The following DIPK1A variants were observed in gnomAD, a reference collection of about 807,000 sequenced individuals.
DIPK1A encodes the protein divergent protein kinase domain 1A, also known as family with sequence similarity 69 member A.
In DIPK1A, 27 loss-of-function variants were observed where a neutral mutation model predicts 40.8. The observed-to-expected ratio is 0.66, with a 90% confidence interval of 0.49 to 0.91. The LOEUF (loss-of-function observed/expected upper bound fraction) is 0.91, where lower values mean the gene tolerates loss of function less well. Among genes scored for constraint, DIPK1A ranks in the 40% least tolerant of loss-of-function variants. The pLI, the probability that DIPK1A is intolerant of heterozygous loss-of-function variation, is 0.00. For synonymous variants in DIPK1A, 166 were observed against 171.3 expected (o/e 0.97, Z 0.24); for missense variants, 412 against 505.7 (o/e 0.81, Z 1.78).
chr1:92,940,873 T>G (rs1040519918), intron 1 of DIPK1A, among the ~76,000 whole-genome samples: 1 of 152,248 alleles, frequency 6.6e-6, no homozygotes, highest in Non-Finnish European at 1.5e-5. Context: ...TAATGGTTAA[T>G]AAGCTTGAAT....
chr1:92,933,944 C>G (rs1416974301), intron 1 of DIPK1A: 2 of 152,118 alleles, frequency 1.3e-5, no homozygotes, highest in African/African-American at 4.8e-5. Flanking sequence ...GAAAGGGAGA[C>G]TAGTTAGGAA....
rs866452828 is a variant in DIPK1A, at chr1:92,890,078, T to C, written c.55-13648A>G. Among the ~76,000 whole-genome samples, 88 of 152,318 alleles carry C rather than the reference T, an allele frequency of 5.8e-4. 1 individual carries two copies. Among genetic ancestry groups the C allele is most frequent in the African/African-American group, 1.9e-3 (81 of 41,590 alleles). ...TGTATTTATTTATTTATTGTAGTTA[T>C]TGTAAATGGGATTTCTTTCTTAATT... On this transcript the variant is annotated intron_variant, in intron 1 of 4. Transcript: ENST00000370310.
At chr1:92,875,825 A>G (rs2100775032) in intron 2 of DIPK1A, among the ~76,000 whole-genome samples, 1 of 152,030 alleles carries the variant, frequency 6.6e-6, no homozygotes, top group Middle Eastern at 3.4e-3. Flanking sequence ...TCACTACTAG[A>G]AATCTTAGAC....
intron 2 of DIPK1A, among the ~76,000 whole-genome samples, chr1:92,866,424 G>T (rs977395072): frequency 1.3e-5 from 2 of 152,060 alleles, no homozygotes; most frequent in Admixed American, 1.3e-4. Context: ...TAGAAGTTCT[G>T]CCTCCTCTAT....
In DIPK1A at chr1:92,835,059, A is replaced by G. The variant is rs1156431084; in HGVS notation, c.475-2025T>C. 1.2e-5 allele frequency: 14 copies of G among 1,141,582 alleles called. 1 individual carries two copies. Among genetic ancestry groups the G allele is most frequent in the Non-Finnish European group, 1.6e-5 (12 of 772,568 alleles). The allele number at this position is 1,141,582 out of a possible 1,614,324, so 70.7% of individuals were successfully genotyped here. ...AGTTTTCTGCTTTGTTAATGGATCT[A>G]TCTAGGTCAGCTCTTTCCAATAAAA... On this transcript the variant is annotated intron_variant, in intron 4 of 4. Coordinates refer to the DIPK1A transcript ENST00000615519.
chr1:92,907,367 GTGAC>G (rs979732397), intron 1 of DIPK1A, among the ~76,000 whole-genome samples: 1 of 152,076 alleles, frequency 6.6e-6, no homozygotes, highest in Non-Finnish European at 1.5e-5. Context: ...GCTTTGGAGA[GTGAC>G]TGACTGGGAA....
intron 2 of DIPK1A, among the ~76,000 whole-genome samples, chr1:92,853,537 C>T (rs1398837288): frequency 6.6e-6 from 1 of 152,188 alleles, no homozygotes; most frequent in Non-Finnish European, 1.5e-5. Flanking sequence ...GGAAGTGAGA[C>T]TCGCCTGTGT....
At chr1:92,841,699 A>C (rs1023350398), downstream of DIPK1A, 1 of 1,009,274 alleles carries the variant, frequency 9.9e-7, no homozygotes, top group Non-Finnish European at 1.4e-6. Flanking sequence ...TTTTATTAAA[A>C]TTTTAAATTA....
chr1:92,953,271 G>A (rs1035949511), intron 1 of DIPK1A, among the ~76,000 whole-genome samples: 5 of 149,932 alleles, frequency 3.3e-5, no homozygotes, highest in Admixed American at 1.3e-4. Flanking sequence ...AGTGCAGACG[G>A]GGATGTGGAA....
chr1:92,840,819 T>C, downstream of DIPK1A: 1 of 720,220 alleles, frequency 1.4e-6, no homozygotes, highest in East Asian at 2.6e-5. Context: ...CCTCAGACAC[T>C]ACTGAGGTGG....
chr1:92,895,780 T>C (rs927866350), intron 1 of DIPK1A, among the ~76,000 whole-genome samples: 7 of 152,204 alleles, frequency 4.6e-5, no homozygotes, highest in Admixed American at 2.6e-4. Flanking sequence ...AAAATCTCCT[T>C]AAGCTGATAA....
chr1:92,842,216 C>T lies in DIPK1A; in HGVS notation c.*1167G>A, dbSNP rs1330943689. ...ACCAGATGATGAATGGGAAAAGTAC[C>T]TTAAAGTAAACAAAACTGGTGCTAA... On this transcript the variant is annotated 3_prime_UTR_variant, in exon 5 of 5. Transcript: ENST00000370310. 1 of 999,032 alleles carries T rather than the reference C, an allele frequency of 1.0e-6. No homozygotes were observed. The highest frequency in any genetic ancestry group is 1.7e-5 in the African/African-American group (1 of 57,496). The allele number at this position is 999,032 out of a possible 1,614,324, so 61.9% of individuals were successfully genotyped here. A position where few individuals can be genotyped will look rare whatever the true frequency, so the allele number is the denominator to read the frequency against.
At chr1:92,849,762 C>G (rs970316791) in intron 3 of DIPK1A, among the ~76,000 whole-genome samples, 3 of 152,122 alleles carry the variant, frequency 2.0e-5, no homozygotes, top group Non-Finnish European at 4.4e-5. Flanking sequence ...GACCTACCGC[C>G]TCAGCCTCCC....
rs1648126583 is a variant in DIPK1A at position 92,876,390 on chromosome 1, GA to G, written c.94del (p.Ser32ProfsTer3). The G allele has an allele frequency of 1.2e-6, 2 of 1,613,034 alleles. No individual in the cohort carries two copies. The highest frequency in any genetic ancestry group is 1.7e-6 in the Non-Finnish European group (2 of 1,179,502). On this transcript the variant is annotated frameshift_variant, in exon 2 of 5. Transcript: ENST00000370310. LOFTEE classifies it high-confidence loss of function. ...GCTTCCAACAAAAACCACTAACCAG[GA>G]AAAGAAAAGATATTTCATCCGCACA... is the stretch of plus-strand genomic sequence containing the variant. ...SYVRMKYLFF[S>X]WLVVFVGSWI...
intron 1 of DIPK1A, among the ~76,000 whole-genome samples, chr1:92,920,351 C>T (rs1650222690): frequency 6.6e-6 from 1 of 152,232 alleles, no homozygotes; most frequent in African/African-American, 2.4e-5. Context: ...ACAAGCTCTC[C>T]TTGCCTGCCA....
chr1:92,837,619 G>A (rs568863745), downstream of DIPK1A: 25 of 1,611,830 alleles, frequency 1.6e-5, no homozygotes, highest in East Asian at 2.5e-4. Flanking sequence ...AAAGAACAGC[G>A]TAACTCCAGA....
At chr1:92,837,199 A>G (rs1687163541), downstream of DIPK1A, 1 of 628,762 alleles carries the variant, frequency 1.6e-6, no homozygotes, top group African/African-American at 1.8e-5. Context: ...CTGGATGACT[A>G]ATTTTGTAGT....
At chr1:92,867,442 T>C (rs1366325861) in intron 2 of DIPK1A, among the ~76,000 whole-genome samples, 1 of 152,132 alleles carries the variant, frequency 6.6e-6, no homozygotes, top group African/African-American at 2.4e-5. Context: ...GACAGAGGCA[T>C]GCAGAGAAGA....
At chr1:92,868,170 C>T (rs1223814386) in intron 2 of DIPK1A, among the ~76,000 whole-genome samples, 2 of 152,122 alleles carry the variant, frequency 1.3e-5, no homozygotes, top group African/African-American at 4.8e-5. Flanking sequence ...GAAATAAAAT[C>T]ACTTACTCAA....
Sources: allele counts gnomAD v4.1 joint callset (sites outside exome capture counted in the v4.1 genomes callset), GRCh38; gene constraint gnomAD v4.1.1; transcripts MANE v1.5; gene names NCBI Gene and HGNC (gene_info 2026-07-23, HGNC 2026-07-21).